ACOXL: variants seen among roughly 807,000 people sequenced by gnomAD.
ACOXL encodes the protein acyl-coenzyme A oxidase-like protein.
In ACOXL, 70 loss-of-function variants were observed where a neutral mutation model predicts 71.9. That is an observed-to-expected ratio of 0.97 (90% CI 0.80 to 1.19). The LOEUF is 1.19. Among genes scored for constraint, ACOXL ranks in the 50% most tolerant of loss-of-function variants. The probability of loss-of-function intolerance (pLI) is 0.00; values close to 1 mark genes in which losing one functional copy is unlikely to be tolerated. For missense variants in ACOXL, 703 were observed against 736.3 expected (o/e 0.95, Z 0.52); for synonymous variants, 253 against 281.6 (o/e 0.90, Z 1.02).
At chr2:110,951,575 G>A (rs1174643358) in intron 12 of ACOXL, among the ~76,000 whole-genome samples, 1 of 152,142 alleles carries the variant, frequency 6.6e-6, no homozygotes, top group Non-Finnish European at 1.5e-5. Context: ...GATATTATTC[G>A]GTGTGGGACT....
chr2:110,941,324 T>C (rs569587801), intron 12 of ACOXL, among the ~76,000 whole-genome samples: 31 of 152,330 alleles, frequency 2.0e-4, no homozygotes, highest in African/African-American at 6.5e-4. Context: ...GCAGCAGATA[T>C]ACCCTCCTGA....
intron 9 of ACOXL, among the ~76,000 whole-genome samples, chr2:110,838,846 C>T (rs1402983737): frequency 6.6e-6 from 1 of 152,192 alleles, no homozygotes; most frequent in Non-Finnish European, 1.5e-5. Flanking sequence ...GAGGCTTTCC[C>T]CCCTCCCCAG....
At chr2:110,863,945 C>T (rs1010127775) in intron 10 of ACOXL, among the ~76,000 whole-genome samples, 2 of 152,146 alleles carry the variant, frequency 1.3e-5, no homozygotes, top group Non-Finnish European at 2.9e-5. Flanking sequence ...TGGGGGTGCA[C>T]CTAGGCTAGA....
intron 16 of ACOXL, among the ~76,000 whole-genome samples, chr2:111,085,336 AAC>A (rs1481787721): frequency 6.6e-6 from 1 of 152,198 alleles, no homozygotes; most frequent in Non-Finnish European, 1.5e-5. Flanking sequence ...GGCATAAAAC[AAC>A]ACTCAGCCAA....
At chr2:110,746,987 T>C (rs1035370712) in intron 1 of ACOXL, among the ~76,000 whole-genome samples, 4 of 152,138 alleles carry the variant, frequency 2.6e-5, no homozygotes, top group Non-Finnish European at 5.9e-5. Context: ...TGCAATGTAC[T>C]GTGGGCTGAA....
chr2:111,035,067 T>G (rs1013848129), intron 15 of ACOXL, among the ~76,000 whole-genome samples: 1 of 152,120 alleles, frequency 6.6e-6, no homozygotes, highest in African/African-American at 2.4e-5. Flanking sequence ...GGGGTTTCAC[T>G]GTGTTTGCCA....
intron 14 of ACOXL, among the ~76,000 whole-genome samples, chr2:111,001,369 A>G (rs2063618212): frequency 6.8e-6 from 1 of 147,978 alleles, no homozygotes; most frequent in Non-Finnish European, 1.5e-5. Flanking sequence ...AGCTTCTGCA[A>G]TCAGGGAACA....
intron 1 of ACOXL, among the ~76,000 whole-genome samples, chr2:110,733,884 G>GT (rs1344573769): frequency 6.6e-6 from 1 of 152,146 alleles, no homozygotes; most frequent in African/African-American, 2.4e-5. Flanking sequence ...ATTTCAGGCG[G>GT]TTCATGAGTA....
At chr2:111,031,595 C>T (rs1420988310) in intron 14 of ACOXL, 32 bp from the exon 15 acceptor site, 1 of 1,591,372 alleles carries the variant, frequency 6.3e-7, no homozygotes, top group African/African-American at 1.3e-5. Flanking sequence ...ACAATATCCT[C>T]AATGGTGATT....
At chr2:110,759,829 T>C (rs1680156369) in intron 1 of ACOXL, among the ~76,000 whole-genome samples, 1 of 152,208 alleles carries the variant, frequency 6.6e-6, no homozygotes, top group Non-Finnish European at 1.5e-5. Context: ...TTAATAAACA[T>C]GGCACACATT....
chr2:111,060,188 T>C (rs976353819), intron 16 of ACOXL, among the ~76,000 whole-genome samples: 3 of 152,164 alleles, frequency 2.0e-5, no homozygotes, highest in Non-Finnish European at 2.9e-5. Flanking sequence ...CTCACTACAG[T>C]GACACTGGAG....
At chr2:110,795,056 T>G (rs1203548624) in intron 5 of ACOXL, among the ~76,000 whole-genome samples, 3 of 152,152 alleles carry the variant, frequency 2.0e-5, no homozygotes, top group African/African-American at 7.2e-5. Flanking sequence ...AAACAAATGT[T>G]GAGGTACTTT....
chr2:110,909,420 C>T (rs1210021540), intron 11 of ACOXL, among the ~76,000 whole-genome samples: 1 of 152,046 alleles, frequency 6.6e-6, no homozygotes, highest in African/African-American at 2.4e-5. Context: ...TCAGCTATTC[C>T]TCCCCAAGTG....
chr2:110,952,381 T>C (rs907440443), intron 12 of ACOXL, among the ~76,000 whole-genome samples: 3 of 152,216 alleles, frequency 2.0e-5, no homozygotes, highest in Admixed American at 6.5e-5. Flanking sequence ...CTATTTTGTA[T>C]ATTTTTTCAA....
At chr2:110,986,777 C>T (rs1463295879) in intron 12 of ACOXL, among the ~76,000 whole-genome samples, 1 of 152,168 alleles carries the variant, frequency 6.6e-6, no homozygotes, top group Non-Finnish European at 1.5e-5. Context: ...AACGGACCAG[C>T]CTTCTGGTCC....
chr2:110,963,595 G>C, intron 12 of ACOXL: 2 of 1,277,678 alleles, frequency 1.6e-6, no homozygotes, highest in Non-Finnish European at 2.0e-6. Flanking sequence ...GTGTGTGTGT[G>C]TGTGTGTGTT....
intron 16 of ACOXL, among the ~76,000 whole-genome samples, chr2:111,085,411 C>G (rs916171161): frequency 6.6e-6 from 1 of 152,082 alleles, no homozygotes; most frequent in Non-Finnish European, 1.5e-5. Flanking sequence ...AAGTAGAAAT[C>G]AAGACTAAGA....
intron 10 of ACOXL, among the ~76,000 whole-genome samples, chr2:110,869,169 A>G (rs1018604748): frequency 1.3e-5 from 2 of 152,212 alleles, no homozygotes; most frequent in Non-Finnish European, 2.9e-5. Context: ...TCACACAGCT[A>G]GGAGATGGTA....
chr2:110,873,379 C>A (rs944347863), intron 10 of ACOXL, among the ~76,000 whole-genome samples: 21 of 152,292 alleles, frequency 1.4e-4, no homozygotes, highest in African/African-American at 4.8e-4. Flanking sequence ...TCAACCTCAG[C>A]TCTAGGGAAG....
Sources: gnomAD v4.1 joint callset for allele counts (sites outside exome capture counted in the v4.1 genomes callset) on GRCh38, gnomAD v4.1.1 for gene constraint, MANE v1.5 for transcripts, NCBI Gene and HGNC (gene_info 2026-07-23, HGNC 2026-07-21) for gene names.